The following SCHIP1 variants were observed in gnomAD, a reference collection of about 807,000 sequenced individuals.
SCHIP1 encodes the protein schwannomin interacting protein 1.
Under a neutral mutation model 29.7 loss-of-function variants are expected in SCHIP1, and 8 were observed. The observed-to-expected ratio is 0.27, with a 90% CI of 0.16 to 0.49. The LOEUF (loss-of-function observed/expected upper bound fraction) is 0.49. Ranked by LOEUF, SCHIP1 falls within the 20% of genes least tolerant of loss-of-function variation. SCHIP1 has a pLI of 0.99. For synonymous variants in SCHIP1, 76 were observed against 94.9 expected, an observed-to-expected ratio of 0.80 and a Z score of 1.16; for missense variants, 193 against 294.6, an observed-to-expected ratio of 0.66 and a Z score of 2.52.
chr3:159,399,036 C>G, the SCHIP1 span: 1 of 618,846 alleles, frequency 1.6e-6, no homozygotes, highest in South Asian at 7.2e-5. Flanking sequence ...ACCCCAAACC[C>G]TCACTCCCCT....
chr3:159,620,809 GGATCATGAGCAAAGCC>G, the SCHIP1 span, among the ~76,000 whole-genome samples: 1 of 152,154 alleles, frequency 6.6e-6, no homozygotes, highest in African/African-American at 2.4e-5. Context: ...GAACCATGGA[GGATCATGAGCAAAGCC>G]TTTTCTTTTC....
At chr3:159,337,919 TC>T in the SCHIP1 span, among the ~76,000 whole-genome samples, 1 of 152,222 alleles carries the variant, frequency 6.6e-6, no homozygotes, top group Non-Finnish European at 1.5e-5. Flanking sequence ...TGAGCTTTCA[TC>T]TTTGTTTACC....
chr3:159,281,865 A>G, the SCHIP1 span, among the ~76,000 whole-genome samples: 1 of 152,168 alleles, frequency 6.6e-6, no homozygotes, highest in Non-Finnish European at 1.5e-5. Flanking sequence ...AAAGACCCCT[A>G]TTGTTAACAT....
chr3:159,480,410 C>G, the SCHIP1 span, among the ~76,000 whole-genome samples: 2 of 152,094 alleles, frequency 1.3e-5, no homozygotes, highest in Non-Finnish European at 2.9e-5. Flanking sequence ...AAAACATAGA[C>G]AAATCCAATT....
chr3:159,694,107 T>C, the SCHIP1 span, among the ~76,000 whole-genome samples: 1 of 152,216 alleles, frequency 6.6e-6, no homozygotes, highest in Non-Finnish European at 1.5e-5. Flanking sequence ...TACCATATCA[T>C]GATCTACTTA....
chr3:159,492,896 T>G, the SCHIP1 span, among the ~76,000 whole-genome samples: 169 of 152,290 alleles, frequency 1.1e-3, 2 homozygotes, highest in East Asian at 0.014. Flanking sequence ...GACTAACAGC[T>G]GATCTCTCAG....
the SCHIP1 span, among the ~76,000 whole-genome samples, chr3:159,446,223 A>AAC: frequency 9.9e-5 from 15 of 151,428 alleles, no homozygotes; most frequent in African/African-American, 2.7e-4. Context: ...CATACATGCA[A>AAC]ACACACACAC....
chr3:159,283,121 T>C, the SCHIP1 span, among the ~76,000 whole-genome samples: 3 of 152,164 alleles, frequency 2.0e-5, no homozygotes, highest in African/African-American at 7.2e-5. Context: ...TAGATATAGA[T>C]ATCAGGAAAG....
At chr3:159,417,923 C>T in the SCHIP1 span, among the ~76,000 whole-genome samples, 3 of 152,116 alleles carry the variant, frequency 2.0e-5, no homozygotes, top group Admixed American at 6.5e-5. Context: ...GTCACCCCAG[C>T]CCACACCAAA....
the SCHIP1 span, among the ~76,000 whole-genome samples, chr3:159,610,858 GT>G: frequency 6.6e-6 from 1 of 151,654 alleles, no homozygotes; most frequent in Admixed American, 6.6e-5. Flanking sequence ...CAGAGGAAGA[GT>G]TTGAAAATCA....
At chr3:159,577,418 A>T in the SCHIP1 span, among the ~76,000 whole-genome samples, 64 of 152,358 alleles carry the variant, frequency 4.2e-4, no homozygotes, top group African/African-American at 1.5e-3. Flanking sequence ...CACTTTGCTG[A>T]TGAGTGATCC....
chr3:159,320,213 T>C, the SCHIP1 span, among the ~76,000 whole-genome samples: 1 of 152,232 alleles, frequency 6.6e-6, no homozygotes. Flanking sequence ...TTCATTCTAT[T>C]TTCTGCCCAA....
the SCHIP1 span, among the ~76,000 whole-genome samples, chr3:159,711,911 C>G: frequency 6.6e-6 from 1 of 151,810 alleles, no homozygotes; most frequent in Non-Finnish European, 1.5e-5. Context: ...GAACCGTTTG[C>G]TCTGGGAACG....
the SCHIP1 span, among the ~76,000 whole-genome samples, chr3:159,356,067 A>G: frequency 1.3e-5 from 2 of 152,148 alleles, no homozygotes; most frequent in Non-Finnish European, 2.9e-5. Context: ...TGTCTTCCAC[A>G]ATGGTTGAAC....
chr3:159,606,394 T>A, the SCHIP1 span, among the ~76,000 whole-genome samples: 1 of 152,220 alleles, frequency 6.6e-6, no homozygotes, highest in African/African-American at 2.4e-5. Flanking sequence ...CATTTCATAC[T>A]GGACCAGTGA....
chr3:159,524,028 T>A, the SCHIP1 span, among the ~76,000 whole-genome samples: 4 of 152,338 alleles, frequency 2.6e-5, no homozygotes, highest in Admixed American at 2.6e-4. Flanking sequence ...ATCAGCATCC[T>A]CTTATTACAA....
chr3:159,289,920 C>CT, the SCHIP1 span, among the ~76,000 whole-genome samples: 1 of 152,140 alleles, frequency 6.6e-6, no homozygotes, highest in Non-Finnish European at 1.5e-5. Flanking sequence ...GCACTGTGGT[C>CT]TTTTTTATAC....
chr3:159,729,149 A>T, the SCHIP1 span, among the ~76,000 whole-genome samples: 2 of 152,100 alleles, frequency 1.3e-5, no homozygotes, highest in Non-Finnish European at 2.9e-5. Flanking sequence ...TCTGTCTAAA[A>T]AAAAGAAAAG....
chr3:159,750,320 CGT>C, the SCHIP1 span, among the ~76,000 whole-genome samples: 10 of 144,500 alleles, frequency 6.9e-5, no homozygotes, highest in South Asian at 2.2e-4. Flanking sequence ...CACACACACA[CGT>C]ATACATATAT....
Sources: allele counts gnomAD v4.1 joint callset (sites outside exome capture counted in the v4.1 genomes callset), GRCh38; gene constraint gnomAD v4.1.1; transcripts MANE v1.5; gene names NCBI Gene and HGNC (gene_info 2026-07-23, HGNC 2026-07-21).